AOPEP: variants seen among roughly 807,000 people sequenced by gnomAD.
AOPEP encodes aminopeptidase O.
Under a neutral mutation model 98.1 loss-of-function variants are expected in AOPEP, and 77 were observed. The ratio of observed to expected loss-of-function variants is 0.78; its 90% CI spans 0.65 to 0.95. The LOEUF (loss-of-function observed/expected upper bound fraction) is 0.95, where lower values mean the gene tolerates loss of function less well. AOPEP is among the 40% of genes least tolerant of loss of function. The pLI is 0.00. For missense variants in AOPEP, 1,024 were observed against 1,024.7 expected, an observed-to-expected ratio of 1.00 and a Z score of 0.01; for synonymous variants, 346 against 365.3, an observed-to-expected ratio of 0.95 and a Z score of 0.60.
intron 13 of AOPEP, among the ~76,000 whole-genome samples, chr9:95,030,700 A>G (rs1164751019): frequency 6.6e-6 from 1 of 152,154 alleles, no homozygotes. Context: ...CTGAACATGA[A>G]TCAAACAGGC....
chr9:94,982,907 A>G (rs915423857), intron 11 of AOPEP, among the ~76,000 whole-genome samples: 3 of 152,214 alleles, frequency 2.0e-5, no homozygotes, highest in East Asian at 1.9e-4. Flanking sequence ...CTTTTAAAAC[A>G]TTTATATGCA....
At chr9:95,144,221 G>A in the AOPEP span, among the ~76,000 whole-genome samples, 5 of 152,326 alleles carry the variant, frequency 3.3e-5, no homozygotes, top group East Asian at 3.9e-4. Context: ...TTCCGCCTAC[G>A]GGAAAGTGTC....
chr9:94,957,508 C>T (rs887041809), intron 9 of AOPEP, among the ~76,000 whole-genome samples: 5 of 152,128 alleles, frequency 3.3e-5, no homozygotes, highest in Admixed American at 1.3e-4. Context: ...ACACCCAGCC[C>T]GTTTATCTCT....
chr9:94,759,060 A>G (rs1837682134), intron 1 of AOPEP, among the ~76,000 whole-genome samples: 1 of 152,182 alleles, frequency 6.6e-6, no homozygotes, highest in Non-Finnish European at 1.5e-5. Flanking sequence ...TCCGTGAACA[A>G]TCTCAAAGGA....
chr9:95,073,507 G>A lies in AOPEP; in HGVS notation c.2233-7187G>A, dbSNP rs567728874. 8.8e-3 allele frequency among the ~76,000 whole-genome samples: 1,342 copies of A among 152,000 alleles called. 25 individuals are homozygous for A. The highest frequency in any genetic ancestry group is 0.031 in the African/African-American group (1,273 of 41,424). ...CTCCCGCCTGTAATCCCAGCAGGCC[G>A]GGCGCGGGGGCTCCCGCCTGTAATC... On this transcript the variant is annotated intron_variant, in intron 14 of 16. Transcript: ENST00000375315.
chr9:94,813,932 G>A (rs1304854659), intron 5 of AOPEP, among the ~76,000 whole-genome samples: 1 of 152,216 alleles, frequency 6.6e-6, no homozygotes, highest in Non-Finnish European at 1.5e-5. Context: ...TCAAGGACAA[G>A]TTGGAAGATA....
At chr9:94,744,348 G>A (rs894594202) in intron 1 of AOPEP, among the ~76,000 whole-genome samples, 2 of 151,892 alleles carry the variant, frequency 1.3e-5, no homozygotes, top group African/African-American at 2.4e-5. Flanking sequence ...AGCCGAGATC[G>A]TGCCACTGCA....
the AOPEP span, chr9:95,110,198 G>A: frequency 1.0e-6 from 1 of 960,818 alleles, no homozygotes; most frequent in Admixed American, 6.0e-5. Flanking sequence ...GCTAGTAGAA[G>A]ATGTGCCAAT....
At chr9:94,834,725 A>T (rs1051072042) in intron 5 of AOPEP, among the ~76,000 whole-genome samples, 1 of 152,164 alleles carries the variant, frequency 6.6e-6, no homozygotes, top group African/African-American at 2.4e-5. Flanking sequence ...CCTGGGAGGC[A>T]GAGGCTGCAG....
intron 9 of AOPEP, among the ~76,000 whole-genome samples, chr9:94,966,251 T>C (rs939010003): frequency 1.3e-4 from 20 of 151,738 alleles, no homozygotes; most frequent in Non-Finnish European, 2.4e-4. Context: ...ATCAGAGTCC[T>C]GTGCAGAGTC....
At chr9:94,948,408 C>G (rs1215573382) in intron 7 of AOPEP, among the ~76,000 whole-genome samples, 1 of 137,400 alleles carries the variant, frequency 7.3e-6, no homozygotes, top group African/African-American at 3.6e-5. Context: ...TGGAATTGGC[C>G]CTCAGGATCC....
chr9:94,746,107 A>G lies in AOPEP; in HGVS notation c.-135-13542A>G, dbSNP rs558775723. Among the ~76,000 whole-genome samples, 7 of 152,098 alleles carry G rather than the reference A, an allele frequency of 4.6e-5. No individual in the cohort carries two copies. In the East Asian group the frequency reaches 9.7e-4, roughly 21 times the overall value. ...AGCTGGGCAGAGATGTAGTGTGTCT[A>G]TTGTTGTGCCCGCCTCTCCCTTCCC... On this transcript the variant is annotated intron_variant, in intron 1 of 16. Coordinates refer to ENST00000375315, the MANE Select transcript of AOPEP (RefSeq NM_001193329.3).
chr9:94,966,432 GT>G (rs1483753636), intron 9 of AOPEP, among the ~76,000 whole-genome samples: 1 of 152,240 alleles, frequency 6.6e-6, no homozygotes, highest in Non-Finnish European at 1.5e-5. Context: ...TGCAGACTTG[GT>G]TCTATTGGGA....
chr9:95,125,217 T>C, the AOPEP span: 1 of 1,564,482 alleles, frequency 6.4e-7, no homozygotes. Flanking sequence ...CAGAACACGT[T>C]TAACAAGTAA....
intron 3 of AOPEP, among the ~76,000 whole-genome samples, chr9:94,778,998 C>T (rs1173423606): frequency 1.3e-5 from 2 of 151,254 alleles, no homozygotes; most frequent in Admixed American, 6.6e-5. Flanking sequence ...CACTGCACTT[C>T]AGCGTGGGTG....
intron 13 of AOPEP, among the ~76,000 whole-genome samples, chr9:95,034,191 T>C (rs1006895174): frequency 3.3e-5 from 5 of 152,224 alleles, no homozygotes; most frequent in African/African-American, 4.8e-5. Context: ...ATAGTGATAT[T>C]ATTGTTTTTT....
At chr9:94,969,744 T>C (rs983137976) in intron 10 of AOPEP, among the ~76,000 whole-genome samples, 2 of 152,222 alleles carry the variant, frequency 1.3e-5, no homozygotes, top group Admixed American at 6.5e-5. Context: ...ATTCAAACAT[T>C]AAACGGAGGC....
intron 5 of AOPEP, among the ~76,000 whole-genome samples, chr9:94,845,754 G>A (rs2042784220): frequency 6.6e-6 from 1 of 152,074 alleles, no homozygotes; most frequent in African/African-American, 2.4e-5. Flanking sequence ...GGGCTGGGCA[G>A]GGGAAGAATA....
At chr9:95,099,828 G>A in the AOPEP span, 260 of 232,908 alleles carry the variant, frequency 1.1e-3, no homozygotes, top group Non-Finnish European at 1.8e-3. Flanking sequence ...TCCAGGCTAG[G>A]AAGAAGTCTT....
Sources: gnomAD v4.1 joint callset for allele counts (sites outside exome capture counted in the v4.1 genomes callset) on GRCh38, gnomAD v4.1.1 for gene constraint, MANE v1.5 for transcripts, NCBI Gene and HGNC (gene_info 2026-07-23, HGNC 2026-07-21) for gene names.